Variants in SLC2A7 observed in about 807,000 individuals in gnomAD.
SLC2A7 encodes solute carrier family 2 member 7.
Under a neutral mutation model 50.5 loss-of-function variants are expected in SLC2A7, and 50 were observed. The ratio of observed to expected loss-of-function variants is 0.99; its 90% confidence interval spans 0.79 to 1.25. The LOEUF is 1.25. Among genes scored for constraint, SLC2A7 ranks in the 50% most tolerant of loss-of-function variants. SLC2A7 has a pLI of 0.00. For synonymous variants in SLC2A7, 308 were observed against 300.4 expected (o/e 1.03, Z -0.26); for missense variants, 683 against 679.1 (o/e 1.01, Z -0.06).
intron 2 of SLC2A7, among the ~76,000 whole-genome samples, chr1:9,023,835 CT>C (rs1557653846): frequency 1.5e-5 from 1 of 65,982 alleles, no homozygotes; most frequent in Non-Finnish European, 2.9e-5. Flanking sequence ...AAATATTCTT[CT>C]TCTTTTTTTT....
chr1:9,013,596 C>T lies in SLC2A7; in HGVS notation c.943G>A (p.Val315Met), dbSNP rs772400525. The change falls in exon 8 of 12, where the codon GTG becomes ATG. Residue 315 changes from valine to methionine, a missense_variant. Transcript: ENST00000400906. ...ACATATTGGGAGTGAGCGGCCTCCA[C>T]GCCCGCAGATGTGTAGATGGTGTCC... Reference protein sequence around the residue: ...YADTIYTSAGVEAAHSQYVTV... With the variant: ...YADTIYTSAGMEAAHSQYVTV... 3.0e-5 allele frequency: 48 copies of T among 1,614,030 alleles called. No homozygotes were observed. In the Admixed American group the frequency reaches 3.2e-4, roughly 11 times the overall value.
At chr1:9,019,132 C>A in intron 4 of SLC2A7, 77 bp downstream of exon 4, 1 of 1,541,666 alleles carries the variant, frequency 6.5e-7, no homozygotes, top group South Asian at 1.2e-5. Context: ...AGGCAGACAC[C>A]TCATCTGCTC....
chr1:9,025,611 T>A (rs1269525420), intron 1 of SLC2A7, among the ~76,000 whole-genome samples: 2 of 152,124 alleles, frequency 1.3e-5, no homozygotes, highest in Admixed American at 6.5e-5. Context: ...AGCAGCTGTG[T>A]AAGCATCGGG....
intron 2 of SLC2A7, 99 bp downstream of exon 2, chr1:9,024,877 G>T (rs916945542): frequency 1.5e-6 from 2 of 1,375,558 alleles, no homozygotes; most frequent in Non-Finnish European, 2.0e-6. Context: ...CCTCCTACAG[G>T]CAAGATGGCA....
intron 11 of SLC2A7, among the ~76,000 whole-genome samples, chr1:9,003,843 G>A (rs565186585): frequency 6.6e-6 from 1 of 152,036 alleles, no homozygotes; most frequent in Non-Finnish European, 1.5e-5. Flanking sequence ...GGGCAACAGA[G>A]CGTGACTGTC....
At chr1:9,024,503 C>T (rs1250787450) in intron 2 of SLC2A7, among the ~76,000 whole-genome samples, 1 of 152,166 alleles carries the variant, frequency 6.6e-6, no homozygotes, top group Non-Finnish European at 1.5e-5. Flanking sequence ...ACAGGCTGTC[C>T]CTCCCTCCTT....
At position 9,007,374 on chromosome 1, in the gene SLC2A7, G is replaced by C; in HGVS notation, c.1128C>G (p.Pro376=). 1.2e-6 allele frequency: 2 copies of C among 1,614,130 alleles called. No individual in the cohort carries two copies. The highest frequency in any genetic ancestry group is 8.5e-7 in the Non-Finnish European group (1 of 1,180,002). The part of the protein sequence containing the change: ...TVVLLFQNRV[P]ELSYLGIICV... ...AGATGATGCCGAGGTAGGACAGCTC[G>C]GGGACCCTGTTCTGTGGGGAGAGGC... The change falls in exon 10 of 12, where the codon CCC becomes CCG. Residue 376 remains proline (P), a synonymous_variant. Transcript: ENST00000400906.
chr1:9,018,077 C>T (rs1287969461), intron 5 of SLC2A7, 146 bp downstream of exon 5: 5 of 1,091,828 alleles, frequency 4.6e-6, no homozygotes, highest in African/African-American at 3.2e-5. Flanking sequence ...GCCCCGACCA[C>T]GTCACCCATC....
intron 7 of SLC2A7, among the ~76,000 whole-genome samples, chr1:9,014,006 G>A (rs1320417204): frequency 6.6e-6 from 1 of 152,224 alleles, no homozygotes. Context: ...CGCAAGTTGA[G>A]TCTGTCTTCT....
At chr1:9,001,225 T>A (rs188449921), downstream of SLC2A7, among the ~76,000 whole-genome samples, 210 of 151,902 alleles carry the variant, frequency 1.4e-3, 1 homozygote, top group African/African-American at 5.0e-3. Context: ...GAAGGCTGGG[T>A]AGGGCTGTGA....
At chr1:9,019,918 C>T (rs149578173) in intron 3 of SLC2A7, among the ~76,000 whole-genome samples, 15 of 151,422 alleles carry the variant, frequency 9.9e-5, no homozygotes, top group African/African-American at 3.6e-4. Flanking sequence ...AGCAAGACTC[C>T]AACTCAAAAA....
the SLC2A7 span, among the ~76,000 whole-genome samples, chr1:8,992,570 C>T: frequency 5.5e-3 from 843 of 152,034 alleles, 30 homozygotes; most frequent in Admixed American, 0.05. Context: ...TAACCATCCC[C>T]ACCTTCCTGC....
Position 9,003,014 on chromosome 1 carries a change from T to C in SLC2A7, c.*286A>G, listed in dbSNP as rs1309112171. ...GTTTTACTTTAAAAAAGTGCATCTA[T>C]ACATCATTTAAATTTTGGTGCCAAT... On this transcript the variant is annotated 3_prime_UTR_variant, in exon 12 of 12. Coordinates refer to ENST00000400906, the MANE Select transcript of SLC2A7 (RefSeq NM_207420.3). Among the ~76,000 whole-genome samples, 1 of 152,236 alleles carries C rather than the reference T, an allele frequency of 6.6e-6. No homozygotes were observed. The highest frequency in any genetic ancestry group is 6.5e-5 in the Admixed American group (1 of 15,284).
At position 9,025,768 on chromosome 1, in the gene SLC2A7, T is replaced by C. The variant is rs143284824; in HGVS notation, c.51+527A>G. On this transcript the variant is annotated intron_variant, in intron 1 of 11. Transcript: ENST00000400906. The stretch of plus-strand genomic sequence containing the variant: ...AGGGCAGCTTGGAGGGGAACTGGCC[T>C]GAGGGCCAAAGTCTGAGGAGCAGGT... Among the ~76,000 whole-genome samples the C allele has an allele frequency of 9.3e-3, 1,420 of 152,224 alleles. 20 individuals carry two copies. The highest frequency in any genetic ancestry group is 0.032 in the African/African-American group (1,317 of 41,540).
intron 7 of SLC2A7, among the ~76,000 whole-genome samples, chr1:9,013,879 A>G (rs1256558943): frequency 6.6e-6 from 1 of 152,188 alleles, no homozygotes; most frequent in Non-Finnish European, 1.5e-5. Context: ...TGGCGTCTAT[A>G]AAATGGAAGT....
chr1:9,006,980 G>A (rs1038815660), intron 10 of SLC2A7, among the ~76,000 whole-genome samples: 1 of 152,296 alleles, frequency 6.6e-6, no homozygotes, highest in Admixed American at 6.5e-5. Flanking sequence ...GGAGGGTGTG[G>A]ATGTAAACCA....
At chr1:8,993,462 A>C in the SLC2A7 span, among the ~76,000 whole-genome samples, 10 of 152,162 alleles carry the variant, frequency 6.6e-5, no homozygotes, top group Non-Finnish European at 1.2e-4. Context: ...ACAAACAAAC[A>C]AACCCTAAAC....
At chr1:9,019,093 G>T in intron 4 of SLC2A7, 116 bp downstream of exon 4, 1 of 1,373,946 alleles carries the variant, frequency 7.3e-7, no homozygotes, top group Non-Finnish European at 9.8e-7. Flanking sequence ...CAGATGGGAG[G>T]ACGTCTTGAA....
intron 10 of SLC2A7, among the ~76,000 whole-genome samples, chr1:9,006,065 G>A (rs536578097): frequency 9.9e-5 from 15 of 152,230 alleles, no homozygotes; most frequent in East Asian, 3.9e-4. Flanking sequence ...CTCTGACCTC[G>A]CGTCTGCCGG....
Sources: allele counts gnomAD v4.1 joint callset (sites outside exome capture counted in the v4.1 genomes callset), GRCh38; gene constraint gnomAD v4.1.1; transcripts MANE v1.5; gene names NCBI Gene and HGNC (gene_info 2026-07-23, HGNC 2026-07-21).